Variants in EXOC3L2 observed in about 807,000 individuals in gnomAD.
EXOC3L2 encodes the protein exocyst complex component 3 like 2.
EXOC3L2 carries 17 observed loss-of-function variants against 44.4 expected under a neutral mutation model. That is an observed-to-expected ratio of 0.38 (90% confidence interval 0.26 to 0.57). The LOEUF is 0.57. Among genes scored for constraint, EXOC3L2 ranks in the 20% least tolerant of loss-of-function variants. EXOC3L2 has a pLI of 0.65. For missense variants in EXOC3L2, 541 were observed against 588.4 expected, an observed-to-expected ratio of 0.92 and a Z score of 0.83; for synonymous variants, 256 against 253.7, an observed-to-expected ratio of 1.01 and a Z score of -0.09.
intron 1 of EXOC3L2, among the ~76,000 whole-genome samples, chr19:45,245,037 C>T (rs562837312): frequency 6.6e-6 from 1 of 151,966 alleles, no homozygotes; most frequent in East Asian, 1.9e-4. Context: ...GACATTCGAC[C>T]CAATGTCATC....
At chr19:45,224,135 C>T (rs1003671016) in intron 8 of EXOC3L2, among the ~76,000 whole-genome samples, 4 of 103,064 alleles carry the variant, frequency 3.9e-5, no homozygotes, top group African/African-American at 1.6e-4. Flanking sequence ...AGGGGGCTGG[C>T]GTGGCTGGAG....
intron 8 of EXOC3L2, among the ~76,000 whole-genome samples, chr19:45,221,942 G>A (rs763785655): frequency 4.6e-5 from 7 of 151,710 alleles, no homozygotes; most frequent in Non-Finnish European, 8.8e-5. Flanking sequence ...GAGCCACCAC[G>A]CCCGGCCAGC....
intron 4 of EXOC3L2, 71 bp downstream of exon 4, chr19:45,231,692 G>C: frequency 7.4e-7 from 1 of 1,348,676 alleles, no homozygotes; most frequent in South Asian, 1.3e-5. Flanking sequence ...GAGGGGACAG[G>C]CTTCCCAAGC....
rs567005445 is a variant in EXOC3L2 at position 45,239,129 on chromosome 19, T to TGTACCGAGCACTTTGGGGTGAGC, written c.-16-91_-16-69dup. The TGTACCGAGCACTTTGGGGTGAGC allele has an allele frequency of 5.4e-3, 2,167 of 397,910 alleles. 44 individuals carry two copies. Among genetic ancestry groups the TGTACCGAGCACTTTGGGGTGAGC allele is most frequent in the African/African-American group, 0.038 (1,870 of 48,586 alleles). 24.6% of individuals were successfully genotyped at this position (397,910 alleles called of 1,614,324 possible). A position where few individuals can be genotyped will look rare whatever the true frequency, so the allele number is the denominator to read the frequency against. On this transcript the variant is annotated intron_variant, in intron 1 of 11. Coordinates refer to ENST00000413988, the MANE Select transcript of EXOC3L2 (RefSeq NM_001382422.1). ...GGTGGTATGGATGACGGTGCCTCTGTGTACCGAGCACTTTGGGGTGAGCGT... is the reference window on the plus strand; with the variant it reads ...GGTGGTATGGATGACGGTGCCTCTGTGTACCGAGCACTTTGGGGTGAGCGTACCGAGCACTTTGGGGTGAGCGT...
intron 8 of EXOC3L2, among the ~76,000 whole-genome samples, chr19:45,223,389 C>A (rs1319594602): frequency 6.6e-6 from 1 of 152,026 alleles, no homozygotes; most frequent in Non-Finnish European, 1.5e-5. Flanking sequence ...GTCACCCAGG[C>A]TGCAGTGCAA....
intron 1 of EXOC3L2, among the ~76,000 whole-genome samples, chr19:45,239,897 G>A (rs2122993441): frequency 6.6e-6 from 1 of 152,046 alleles, no homozygotes; most frequent in African/African-American, 2.4e-5. Flanking sequence ...TCCCTCCCAA[G>A]ATGACACAGT....
At chr19:45,242,804 G>A (rs1729053342) in intron 1 of EXOC3L2, among the ~76,000 whole-genome samples, 1 of 147,344 alleles carries the variant, frequency 6.8e-6, no homozygotes, top group Non-Finnish European at 1.5e-5. Context: ...GGATGCTGCA[G>A]TGAGCCCAGA....
Position 45,227,680 on chromosome 19 carries a change from T to C in EXOC3L2, c.1565A>G (p.Asn522Ser). The change falls in exon 7 of 12, where the codon AAC (asparagine) becomes AGC (serine). Residue 522 changes from asparagine (N) to serine (S), a missense_variant. By Grantham distance (46) the Asn-to-Ser change is conservative. Coordinates refer to ENST00000413988, the MANE Select transcript of EXOC3L2 (RefSeq NM_001382422.1). ...TYISKTIALVNCGPPLRALAE... is the reference protein window; with the variant it reads ...TYISKTIALVSCGPPLRALAE... ...CCCTCACCTCAGTGGGGGGCCGCAG[T>C]TGACCAGGGCGATGGTCTTGCTGAT... 1 of 1,612,174 alleles carries C rather than the reference T, an allele frequency of 6.2e-7. No homozygotes were observed. Among genetic ancestry groups the C allele is most frequent in the African/African-American group, 1.3e-5 (1 of 75,028 alleles).
chr19:45,214,665 A>G (rs1199024114), intron 11 of EXOC3L2, among the ~76,000 whole-genome samples: 1 of 151,522 alleles, frequency 6.6e-6, no homozygotes, highest in African/African-American at 2.4e-5. Context: ...GTGTTTCACC[A>G]TGTTGGCCAG....
chr19:45,217,480 G>T, intron 10 of EXOC3L2, 48 bp downstream of exon 10: 1 of 1,514,482 alleles, frequency 6.6e-7, no homozygotes, highest in South Asian at 1.3e-5. Flanking sequence ...CGGAAGCCAA[G>T]CCTTGTCCTG....
chr19:45,232,646 C>G (rs1390632739), intron 3 of EXOC3L2, among the ~76,000 whole-genome samples: 1 of 152,126 alleles, frequency 6.6e-6, no homozygotes, highest in African/African-American at 2.4e-5. Context: ...TCACCATAGT[C>G]CATCCCCCGG....
chr19:45,242,721 G>A (rs1000991360), intron 1 of EXOC3L2, among the ~76,000 whole-genome samples: 2 of 152,102 alleles, frequency 1.3e-5, no homozygotes, highest in African/African-American at 4.8e-5. Flanking sequence ...AATTAGCTGG[G>A]TGTGGTGGCG....
At chr19:45,222,881 T>G (rs1215319043) in intron 8 of EXOC3L2, among the ~76,000 whole-genome samples, 1 of 152,222 alleles carries the variant, frequency 6.6e-6, no homozygotes, top group East Asian at 1.9e-4. Flanking sequence ...GCAGTGAGAA[T>G]TAAACGAGCC....
At chr19:45,235,471 A>G (rs1201424502) in intron 2 of EXOC3L2, among the ~76,000 whole-genome samples, 1 of 151,372 alleles carries the variant, frequency 6.6e-6, no homozygotes, top group African/African-American at 2.4e-5. Context: ...TGGGAGTAGG[A>G]GGGGCAGGGT....
At chr19:45,230,951 T>C (rs1970025130) in intron 4 of EXOC3L2, among the ~76,000 whole-genome samples, 1 of 151,556 alleles carries the variant, frequency 6.6e-6, no homozygotes, top group South Asian at 2.1e-4. Context: ...TATCCAGGCA[T>C]GGTGGTGTGT....
intron 7 of EXOC3L2, among the ~76,000 whole-genome samples, chr19:45,227,265 C>T (rs951791040): frequency 6.7e-6 from 1 of 149,368 alleles, no homozygotes; most frequent in African/African-American, 2.5e-5. Context: ...CTACAGGTGC[C>T]CGCCACCATG....
At chr19:45,240,303 A>C (rs1970121041) in intron 1 of EXOC3L2, among the ~76,000 whole-genome samples, 1 of 151,566 alleles carries the variant, frequency 6.6e-6, no homozygotes, top group Non-Finnish European at 1.5e-5. Flanking sequence ...TTATTTATTG[A>C]GACAGGGTCT....
chr19:45,229,543 A>G (rs1599765625), intron 4 of EXOC3L2, among the ~76,000 whole-genome samples: 1 of 148,022 alleles, frequency 6.8e-6, no homozygotes, highest in East Asian at 2.0e-4. Flanking sequence ...ATAATATATT[A>G]TAAATAATAT....
intron 7 of EXOC3L2, among the ~76,000 whole-genome samples, chr19:45,226,886 G>T (rs1336499988): frequency 2.7e-5 from 4 of 150,168 alleles, no homozygotes; most frequent in Admixed American, 6.7e-5. Flanking sequence ...CGGAGTAGCT[G>T]GGACTACAGG....
Sources: allele counts gnomAD v4.1 joint callset (sites outside exome capture counted in the v4.1 genomes callset), GRCh38; gene constraint gnomAD v4.1.1; transcripts MANE v1.5; gene names NCBI Gene and HGNC (gene_info 2026-07-23, HGNC 2026-07-21).